The following NKAIN2 variants were observed in gnomAD, a reference collection of about 807,000 sequenced individuals.
NKAIN2 encodes sodium/potassium-transporting ATPase subunit beta-1-interacting protein 2.
A neutral mutation model predicts 32.6 loss-of-function variants in NKAIN2; 14 were observed. The ratio of observed to expected loss-of-function variants is 0.43; its 90% CI spans 0.28 to 0.67. The LOEUF is 0.67. Ranked by LOEUF, NKAIN2 falls within the 30% of genes least tolerant of loss-of-function variation. The pLI is 0.17. For synonymous variants in NKAIN2, 80 were observed against 87.2 expected, an observed-to-expected ratio of 0.92 and a Z score of 0.46; for missense variants, 198 against 258.3, an observed-to-expected ratio of 0.77 and a Z score of 1.60.
intron 1 of NKAIN2, among the ~76,000 whole-genome samples, chr6:124,019,131 T>C (rs1040179215): frequency 6.6e-6 from 1 of 152,102 alleles, no homozygotes; most frequent in Non-Finnish European, 1.5e-5. Flanking sequence ...GAGAACAGCA[T>C]GGGAAAGACC....
At chr6:123,997,384 C>G (rs114600889) in intron 1 of NKAIN2, among the ~76,000 whole-genome samples, 2,356 of 152,178 alleles carry the variant, frequency 0.015, 28 homozygotes, top group Middle Eastern at 0.037. Flanking sequence ...ATCAGGTCTA[C>G]TGTTCTTATA....
At chr6:124,589,214 A>G (rs1781820166) in intron 3 of NKAIN2, among the ~76,000 whole-genome samples, 1 of 152,152 alleles carries the variant, frequency 6.6e-6, no homozygotes, top group African/African-American at 2.4e-5. Context: ...TTTTCTTTTT[A>G]CTTGTTAAAG....
At chr6:124,426,916 C>A (rs1371063273) in intron 3 of NKAIN2, among the ~76,000 whole-genome samples, 1 of 152,150 alleles carries the variant, frequency 6.6e-6, no homozygotes, top group Non-Finnish European at 1.5e-5. Context: ...ATGTACCTTT[C>A]ACCTTCCACC....
At chr6:123,810,433 C>T (rs757819286) in intron 1 of NKAIN2, among the ~76,000 whole-genome samples, 1 of 151,982 alleles carries the variant, frequency 6.6e-6, no homozygotes, top group African/African-American at 2.4e-5. Context: ...CAAACCTGAC[C>T]GACTTAGGTA....
intron 3 of NKAIN2, among the ~76,000 whole-genome samples, chr6:124,534,788 A>T (rs2114830093): frequency 6.6e-6 from 1 of 151,828 alleles, no homozygotes; most frequent in East Asian, 1.9e-4. Flanking sequence ...ATCTCTCAAC[A>T]CTTATGCACT....
chr6:124,459,178 G>A (rs1206635267), intron 3 of NKAIN2, among the ~76,000 whole-genome samples: 1 of 151,760 alleles, frequency 6.6e-6, no homozygotes, highest in Non-Finnish European at 1.5e-5. Context: ...AGTCCCCAAA[G>A]ACAAATAAAA....
intron 3 of NKAIN2, among the ~76,000 whole-genome samples, chr6:124,590,687 G>T (rs554672054): frequency 6.6e-6 from 1 of 152,334 alleles, no homozygotes; most frequent in East Asian, 1.9e-4. Context: ...GTGACTGTCA[G>T]TCATGAAGAG....
chr6:123,877,582 A>G (rs1773226449), intron 1 of NKAIN2, among the ~76,000 whole-genome samples: 1 of 152,216 alleles, frequency 6.6e-6, no homozygotes, highest in African/African-American at 2.4e-5. Flanking sequence ...ACTCTAGGTA[A>G]TGATGGAATG....
chr6:124,005,499 T>C (rs1406674956), intron 1 of NKAIN2, among the ~76,000 whole-genome samples: 2 of 152,206 alleles, frequency 1.3e-5, no homozygotes, highest in African/African-American at 4.8e-5. Context: ...TAGTCTCTTA[T>C]TGTAGTACAT....
At chr6:124,238,697 G>C (rs914879832) in intron 1 of NKAIN2, among the ~76,000 whole-genome samples, 1 of 152,110 alleles carries the variant, frequency 6.6e-6, no homozygotes, top group Non-Finnish European at 1.5e-5. Flanking sequence ...AAGCAAAGGA[G>C]AAATAAAATC....
chr6:124,161,354 C>G (rs1472883146), intron 1 of NKAIN2, among the ~76,000 whole-genome samples: 1 of 152,018 alleles, frequency 6.6e-6, no homozygotes, highest in Non-Finnish European at 1.5e-5. Context: ...AAATCTGCCC[C>G]CATGATTCAA....
At chr6:124,301,910 G>T (rs1796306551) in intron 2 of NKAIN2, among the ~76,000 whole-genome samples, 1 of 152,194 alleles carries the variant, frequency 6.6e-6, no homozygotes, top group Admixed American at 6.5e-5. Context: ...ATGCTGAAAT[G>T]AGTTAACACT....
chr6:124,592,413 C>A (rs1329663879), intron 3 of NKAIN2, among the ~76,000 whole-genome samples: 1 of 152,040 alleles, frequency 6.6e-6, no homozygotes, highest in Non-Finnish European at 1.5e-5. Context: ...ATTGAGGAAC[C>A]CCTTAACCCT....
intron 1 of NKAIN2, among the ~76,000 whole-genome samples, chr6:124,125,175 T>A (rs2114995547): frequency 6.6e-6 from 1 of 152,210 alleles, no homozygotes; most frequent in Admixed American, 6.5e-5. Flanking sequence ...TACAAGAGTA[T>A]GTTTGATTAT....
intron 3 of NKAIN2, among the ~76,000 whole-genome samples, chr6:124,467,445 C>T (rs1776805712): frequency 6.6e-6 from 1 of 152,034 alleles, no homozygotes; most frequent in African/African-American, 2.4e-5. Context: ...GACTTCACTA[C>T]AGTTACATGT....
intron 1 of NKAIN2, among the ~76,000 whole-genome samples, chr6:123,868,705 G>A (rs976515605): frequency 6.6e-6 from 1 of 152,108 alleles, no homozygotes; most frequent in East Asian, 1.9e-4. Context: ...GAGAAAAGTT[G>A]ATTACAAACT....
intron 1 of NKAIN2, among the ~76,000 whole-genome samples, chr6:124,242,224 G>T (rs1047300572): frequency 2.0e-5 from 3 of 152,146 alleles, no homozygotes; most frequent in African/African-American, 7.2e-5. Flanking sequence ...CCATCAAAAA[G>T]TGGCCAAAGC....
rs183367236 is a variant in NKAIN2 at position 124,671,022 on chromosome 6, T to G, written c.474+12636T>G. Among the ~76,000 whole-genome samples, 29 of 152,116 alleles carry G rather than the reference T, an allele frequency of 1.9e-4. 2 individuals are homozygous for G. The highest frequency in any genetic ancestry group is 7.0e-4 in the African/African-American group (29 of 41,516). ...GGTACCACTCTGCAGACTGCTATAT[T>G]GCAAAATAAACAAACAATATATTTT... On this transcript the variant is annotated intron_variant, in intron 4 of 6. Coordinates refer to ENST00000368417, the MANE Select transcript of NKAIN2 (RefSeq NM_001040214.3).
At chr6:124,204,965 C>G (rs868409996) in intron 1 of NKAIN2, among the ~76,000 whole-genome samples, 5 of 131,774 alleles carry the variant, frequency 3.8e-5, no homozygotes, top group Admixed American at 3.2e-4. Context: ...AAGCACTTAT[C>G]CTCTGCATCT....
Sources: gnomAD v4.1 joint callset for allele counts (sites outside exome capture counted in the v4.1 genomes callset) on GRCh38, gnomAD v4.1.1 for gene constraint, MANE v1.5 for transcripts, NCBI Gene and HGNC (gene_info 2026-07-23, HGNC 2026-07-21) for gene names.